The following VCAN variants were observed in gnomAD, a reference collection of about 807,000 sequenced individuals.
The protein encoded by VCAN is versican core protein.
In VCAN, 44 loss-of-function variants were observed where a neutral mutation model predicts 245.5. The observed-to-expected ratio is 0.18, with a 90% confidence interval of 0.14 to 0.23. The LOEUF (loss-of-function observed/expected upper bound fraction) is 0.23, where lower values mean the gene tolerates loss of function less well. VCAN is among the 10% of genes least tolerant of loss of function. The pLI, the probability that VCAN is intolerant of heterozygous loss-of-function variation, is 1.00. For missense variants in VCAN, 3,793 were observed against 4,057.9 expected, an observed-to-expected ratio of 0.93 and a Z score of 1.77; for synonymous variants, 1,413 against 1,437.0, an observed-to-expected ratio of 0.98 and a Z score of 0.38.
chr5:83,537,082 A>G lies in VCAN; in HGVS notation c.4079A>G (p.Glu1360Gly). The change falls in exon 8 of 15, where the codon GAA (glutamate) becomes GGA (glycine). Residue 1360 changes from glutamate (E) to glycine (G), a missense_variant. Physicochemically the swap from Glu to Gly is moderately conservative, Grantham distance 98 (BLOSUM62 -2). Coordinates refer to ENST00000265077, the MANE Select transcript of VCAN (RefSeq NM_004385.5). ...AAAGAAGATGAACCTTGTAGTGAAG[A>G]AACAGATCCAGTGCATGATCTAATG... is the stretch of plus-strand genomic sequence containing the variant. Reference protein sequence around the residue: ...ESKEDEPCSEETDPVHDLMAE... With the variant: ...ESKEDEPCSEGTDPVHDLMAE... 1 of 1,613,830 alleles carries G rather than the reference A, an allele frequency of 6.2e-7. No individual in the cohort carries two copies. The highest frequency in any genetic ancestry group is 8.5e-7 in the Non-Finnish European group (1 of 1,179,836).
intron 7 of VCAN, among the ~76,000 whole-genome samples, chr5:83,533,108 T>C (rs1746582151): frequency 6.6e-6 from 1 of 152,176 alleles, no homozygotes; most frequent in East Asian, 1.9e-4. Context: ...ATCATACTTA[T>C]TAAATGAGCA....
intron 12 of VCAN, among the ~76,000 whole-genome samples, chr5:83,556,981 A>G (rs112990325): frequency 6.6e-6 from 1 of 152,180 alleles, no homozygotes; most frequent in African/African-American, 2.4e-5. Context: ...CCCAGTGAAA[A>G]GTGCAGGGTT....
rs776453949 is a variant in VCAN at position 83,520,431 on chromosome 5, A to G, written c.2125A>G (p.Lys709Glu). The change falls in exon 7 of 15, where the codon AAA becomes GAA. Residue 709 changes from lysine to glutamate, a missense_variant. Physicochemically the swap from Lys to Glu is moderately conservative, Grantham distance 56. This residue lies in a region of VCAN where 3,182 missense variants were observed against 3,250.3 expected (regional missense o/e 0.98). Transcript: ENST00000265077. ...AGATGAAATACAAGAAGAGATCACT[A>G]AAAGTCCATTTATGGGAAAAACAGA... ...YTDEIQEEIT[K>E]SPFMGKTEEE... 52 of 1,613,812 alleles carry G rather than the reference A, an allele frequency of 3.2e-5. No individual in the cohort carries two copies. The East Asian group carries it at 4.5e-4, about 14-fold the overall frequency.
In VCAN at chr5:83,537,619, C is replaced by T. The variant is rs193920883; in HGVS notation, c.4616C>T (p.Pro1539Leu). The T allele has an allele frequency of 6.2e-7, 1 of 1,613,796 alleles. No homozygotes were observed. Among genetic ancestry groups the T allele is most frequent in the Non-Finnish European group, 8.5e-7 (1 of 1,179,902 alleles). Reference sequence around the variant, plus strand: ...CATCAGGCACATGAACATACTGAACCTGTATCTCTGTTTCCTGAAGAGTCT... The same window carrying T: ...CATCAGGCACATGAACATACTGAACTTGTATCTCTGTTTCCTGAAGAGTCT... ...VGHQAHEHTE[P>L]VSLFPEESSG... The change falls in exon 8 of 15, where the codon CCT becomes CTT. Residue 1539 changes from proline to leucine, a missense_variant. Pro to Leu is a moderately conservative substitution (Grantham distance 98). Coordinates refer to ENST00000265077, the MANE Select transcript of VCAN (RefSeq NM_004385.5).
At chr5:83,474,818 C>G (rs572213711) in intron 1 of VCAN, among the ~76,000 whole-genome samples, 1 of 152,312 alleles carries the variant, frequency 6.6e-6, no homozygotes, top group South Asian at 2.1e-4. Context: ...ATCCAGACAG[C>G]GCTGAACACT....
intron 10 of VCAN, among the ~76,000 whole-genome samples, 197 bp from the exon 11 acceptor site, chr5:83,553,167 A>G (rs1747534868): frequency 6.6e-6 from 1 of 152,188 alleles, no homozygotes; most frequent in East Asian, 1.9e-4. Context: ...CCAAAGATAT[A>G]TAGCCATCCA....
rs1304300517 is a variant in VCAN, at chr5:83,539,825, T to C, written c.6822T>C (p.Thr2274=). 1.2e-6 allele frequency: 2 copies of C among 1,613,940 alleles called. No homozygotes were observed. Among genetic ancestry groups the C allele is most frequent in the African/African-American group, 2.7e-5 (2 of 74,944 alleles). The part of the protein sequence containing the change: ...PTLPTESVNF[T]EVEQINNTLY... ...TACCAACAGAGTCAGTGAATTTTAC[T>C]GAAGTGGAACAAATCAATAACACAT... The change falls in exon 8 of 15, where the codon ACT becomes ACC. Residue 2274 remains threonine (T), a synonymous_variant. Transcript: ENST00000265077.
intron 13 of VCAN, among the ~76,000 whole-genome samples, chr5:83,576,867 T>A (rs1005566333): frequency 6.6e-6 from 1 of 152,158 alleles, no homozygotes; most frequent in African/African-American, 2.4e-5. Flanking sequence ...GCTCTGCTTT[T>A]GTAAAGTTTC....
intron 5 of VCAN, among the ~76,000 whole-genome samples, chr5:83,500,435 AAGATG>A (rs1745297211): frequency 1.3e-5 from 2 of 152,172 alleles, no homozygotes; most frequent in South Asian, 4.1e-4. Context: ...GCACCTCTGG[AAGATG>A]ATGTCCTTAT....
chr5:83,535,015 T>G (rs2112435454), intron 7 of VCAN, among the ~76,000 whole-genome samples: 1 of 152,182 alleles, frequency 6.6e-6, no homozygotes, highest in Non-Finnish European at 1.5e-5. Context: ...AGAAACCTAG[T>G]CTTTTTAGTT....
chr5:83,537,452 T>C lies in VCAN; in HGVS notation c.4449T>C (p.Pro1483=). ...AGTCTCTTGAAGTTACATGGAAGCC[T>C]GAGACTTACCCTGAAACATCAGAAC... ...TTESLEVTWK[P]ETYPETSEHF... The change falls in exon 8 of 15, where the codon CCT becomes CCC. Residue 1483 remains proline, a synonymous_variant. Coordinates refer to ENST00000265077, the MANE Select transcript of VCAN (RefSeq NM_004385.5). 6.2e-7 allele frequency: 1 copy of C among 1,613,988 alleles called. No homozygotes were observed. The highest frequency in any genetic ancestry group is 8.5e-7 in the Non-Finnish European group (1 of 1,179,952).
chr5:83,579,864 T>C (rs1468193040), intron 13 of VCAN, 116 bp from the exon 14 acceptor site: 4 of 1,094,442 alleles, frequency 3.7e-6, no homozygotes, highest in Non-Finnish European at 5.4e-6. Flanking sequence ...TTCTAAAAGA[T>C]TGCCTTTGAT....
intron 13 of VCAN, among the ~76,000 whole-genome samples, chr5:83,574,118 C>G (rs2112502051): frequency 6.6e-6 from 1 of 152,186 alleles, no homozygotes; most frequent in East Asian, 1.9e-4. Flanking sequence ...AGAAGTCTGT[C>G]CCAGCTCTCA....
At chr5:83,577,128 A>G (rs950047199) in intron 13 of VCAN, among the ~76,000 whole-genome samples, 3 of 151,972 alleles carry the variant, frequency 2.0e-5, no homozygotes, top group Non-Finnish European at 4.4e-5. Flanking sequence ...ATCTTTACCT[A>G]CTGATAACCT....
At chr5:83,504,698 T>C (rs1745431538) in intron 5 of VCAN, among the ~76,000 whole-genome samples, 1 of 152,206 alleles carries the variant, frequency 6.6e-6, no homozygotes, top group Non-Finnish European at 1.5e-5. Flanking sequence ...ATTCTTATTA[T>C]AACAATTTAA....
At position 83,541,962 on chromosome 5, in the gene VCAN, G is replaced by A. The variant is rs766802378; in HGVS notation, c.8959G>A (p.Glu2987Lys). 1.2e-5 allele frequency: 19 copies of A among 1,613,858 alleles called. No individual in the cohort carries two copies. Among genetic ancestry groups the A allele is most frequent in the South Asian group, 3.3e-5 (3 of 91,076 alleles). ...STSASATYGV[E>K]AGVVPWLSPQ... Reference sequence around the variant, plus strand: ...TTCTGCTTCTGCCACCTATGGGGTCGAGGCAGGTGTGGTGCCTTGGCTAAG... The same window carrying A: ...TTCTGCTTCTGCCACCTATGGGGTCAAGGCAGGTGTGGTGCCTTGGCTAAG... The change falls in exon 8 of 15, where the codon GAG becomes AAG. Residue 2987 changes from glutamate to lysine, a missense_variant. Transcript: ENST00000265077.
At chr5:83,535,616 G>A (rs1746675520) in intron 7 of VCAN, 1 of 152,042 alleles carries the variant, frequency 6.6e-6, no homozygotes, top group African/African-American at 2.4e-5. Flanking sequence ...TTTCTTCTCT[G>A]ATGAAACAGC....
Position 83,512,091 on chromosome 5 carries a change from T to C in VCAN, c.749-12T>C, listed in dbSNP as rs758335915. On this transcript the variant is annotated splice_polypyrimidine_tract_variant and intron_variant, in intron 5 of 14. Transcript: ENST00000265077. ...AAAACTTTGGGCTTTTTTTCCCTTCTTTTTTTTCCAGGTGATGTGTTCCAC... is the reference window on the plus strand; with the variant it reads ...AAAACTTTGGGCTTTTTTTCCCTTCCTTTTTTTCCAGGTGATGTGTTCCAC... The C allele has an allele frequency of 1.9e-4, 310 of 1,613,366 alleles. No individual in the cohort carries two copies. Among genetic ancestry groups the C allele is most frequent in the Non-Finnish European group, 2.6e-4 (303 of 1,179,830 alleles).
chr5:83,572,109 A>C (rs962774425), intron 12 of VCAN, among the ~76,000 whole-genome samples: 3 of 152,218 alleles, frequency 2.0e-5, no homozygotes, highest in African/African-American at 7.2e-5. Flanking sequence ...TTATTGAATT[A>C]ATAATATGAT....
Sources: allele counts gnomAD v4.1 joint callset (sites outside exome capture counted in the v4.1 genomes callset), GRCh38; gene constraint gnomAD v4.1.1; regional missense constraint gnomAD v4.1.1; transcripts MANE v1.5; gene names NCBI Gene and HGNC (gene_info 2026-07-23, HGNC 2026-07-21).